TRPM3: variants seen among roughly 807,000 people sequenced by gnomAD.
The protein encoded by TRPM3 is transient receptor potential cation channel subfamily M member 3, also known as long transient receptor potential channel 3.
A neutral mutation model predicts 181.2 loss-of-function variants in TRPM3; 77 were observed. The observed-to-expected ratio is 0.42, with a 90% CI of 0.35 to 0.51. TRPM3 has a LOEUF of 0.51. Among genes scored for constraint, TRPM3 ranks in the 20% least tolerant of loss-of-function variants. The pLI, the probability that TRPM3 is intolerant of heterozygous loss-of-function variation, is 0.01. For missense variants in TRPM3, 1,759 were observed against 2,196.7 expected (o/e 0.80, Z 3.98); for synonymous variants, 745 against 796.4 (o/e 0.94, Z 1.09).
chr9:70,782,845 C>T (rs1308188660), intron 7 of TRPM3, among the ~76,000 whole-genome samples: 4 of 151,890 alleles, frequency 2.6e-5, no homozygotes, highest in African/African-American at 4.8e-5. Context: ...AGGCTCAATG[C>T]CTCTTGTTAT....
intron 1 of TRPM3, among the ~76,000 whole-genome samples, chr9:70,994,366 G>A (rs1020914749): frequency 6.6e-6 from 1 of 152,170 alleles, no homozygotes; most frequent in African/African-American, 2.4e-5. Flanking sequence ...TTACCCAGGT[G>A]TATGTAACTC....
intron 1 of TRPM3, among the ~76,000 whole-genome samples, chr9:71,120,449 T>A (rs969171794): frequency 6.6e-6 from 1 of 152,194 alleles, no homozygotes; most frequent in African/African-American, 2.4e-5. Context: ...CTTTAATGCA[T>A]TTGCTTCTGG....
intron 1 of TRPM3, among the ~76,000 whole-genome samples, chr9:71,148,570 C>A (rs887147127): frequency 4.6e-5 from 7 of 152,144 alleles, no homozygotes; most frequent in Non-Finnish European, 1.0e-4. Flanking sequence ...GCATGAAAGA[C>A]TGACACCTGG....
chr9:70,580,712 A>T (rs889288827), intron 22 of TRPM3, among the ~76,000 whole-genome samples: 1 of 151,288 alleles, frequency 6.6e-6, no homozygotes, highest in African/African-American at 2.4e-5. Flanking sequence ...TGTCTGAAAA[A>T]CTCTTAAAAT....
intron 1 of TRPM3, among the ~76,000 whole-genome samples, chr9:71,103,871 C>A (rs2068893071): frequency 6.6e-6 from 1 of 151,852 alleles, no homozygotes; most frequent in Non-Finnish European, 1.5e-5. Context: ...TCATCAAAAC[C>A]AAGCTCTGTG....
At chr9:71,291,744 A>G (rs1321497977) in intron 1 of TRPM3, among the ~76,000 whole-genome samples, 1 of 152,132 alleles carries the variant, frequency 6.6e-6, no homozygotes, top group East Asian at 1.9e-4. Context: ...GTTCTGATAC[A>G]CTGATAATTG....
At chr9:71,247,187 G>A (rs2082078907) in intron 1 of TRPM3, among the ~76,000 whole-genome samples, 1 of 151,766 alleles carries the variant, frequency 6.6e-6, no homozygotes, top group Admixed American at 6.6e-5. Context: ...AATACTGTCT[G>A]TACTAAAAAT....
intron 1 of TRPM3, among the ~76,000 whole-genome samples, chr9:71,388,534 T>G (rs183856767): frequency 6.6e-6 from 1 of 152,162 alleles, no homozygotes; most frequent in East Asian, 1.9e-4. Context: ...AAAACTTCCT[T>G]AAGAAAAATG....
chr9:71,068,055 A>C (rs1489620816), intron 1 of TRPM3, among the ~76,000 whole-genome samples: 1 of 152,170 alleles, frequency 6.6e-6, no homozygotes, highest in Non-Finnish European at 1.5e-5. Flanking sequence ...TCCAACTTAC[A>C]TGCTCTCTGA....
At chr9:71,430,040 C>G (rs2093932075) in intron 1 of TRPM3, among the ~76,000 whole-genome samples, 1 of 152,156 alleles carries the variant, frequency 6.6e-6, no homozygotes, top group African/African-American at 2.4e-5. Flanking sequence ...CTCTCATTCT[C>G]TATCTCCCTG....
At chr9:71,281,185 A>G (rs1199569445) in intron 1 of TRPM3, among the ~76,000 whole-genome samples, 1 of 152,226 alleles carries the variant, frequency 6.6e-6, no homozygotes, top group East Asian at 1.9e-4. Context: ...CAAAGTGACA[A>G]GGACCAACCC....
chr9:71,048,493 A>C (rs1298327835), intron 1 of TRPM3, among the ~76,000 whole-genome samples: 1 of 152,186 alleles, frequency 6.6e-6, no homozygotes, highest in African/African-American at 2.4e-5. Flanking sequence ...TTCCCCAAGC[A>C]AGCGTGCTGG....
chr9:71,181,197 ACTGT>A (rs2077380801), intron 1 of TRPM3, among the ~76,000 whole-genome samples: 1 of 152,128 alleles, frequency 6.6e-6, no homozygotes, highest in African/African-American at 2.4e-5. Context: ...CGCCATTTGA[ACTGT>A]CTGTCCATGT....
At position 70,632,742 on chromosome 9, in the gene TRPM3, T is replaced by C. The variant is rs115718529; in HGVS notation, c.1632+2469A>G. 2.5e-3 allele frequency among the ~76,000 whole-genome samples: 380 copies of C among 152,248 alleles called. 1 individual carries two copies. The highest frequency in any genetic ancestry group is 8.7e-3 in the African/African-American group (362 of 41,552). On this transcript the variant is annotated intron_variant, in intron 12 of 25. Transcript: ENST00000677713. ...TAAAAGGAAAAAAAAAAGCTGCTTT[T>C]ATTCCTTCTTCCTCCCAAATTCTTA...
At chr9:71,070,694 T>C (rs1164425732) in intron 1 of TRPM3, among the ~76,000 whole-genome samples, 2 of 152,326 alleles carry the variant, frequency 1.3e-5, no homozygotes, top group East Asian at 3.9e-4. Context: ...AAAAGAGATG[T>C]TTAATTTCTG....
chr9:70,572,222 T>C (rs116088735), intron 22 of TRPM3, among the ~76,000 whole-genome samples: 8 of 152,332 alleles, frequency 5.3e-5, no homozygotes, highest in African/African-American at 1.9e-4. Context: ...CTATGCTTTT[T>C]GTCAAAAACA....
chr9:70,911,291 C>T (rs1227556529), intron 1 of TRPM3, among the ~76,000 whole-genome samples: 7 of 152,144 alleles, frequency 4.6e-5, no homozygotes, highest in Non-Finnish European at 8.8e-5. Context: ...GGCCATTCTT[C>T]CTTGGTCTAC....
intron 1 of TRPM3, among the ~76,000 whole-genome samples, chr9:71,265,810 A>G (rs2083355341): frequency 6.6e-6 from 1 of 152,214 alleles, no homozygotes; most frequent in Admixed American, 6.5e-5. Context: ...GACTACTGTC[A>G]TCACCTCACC....
chr9:70,962,687 A>G (rs770474053), intron 1 of TRPM3, among the ~76,000 whole-genome samples: 6 of 152,192 alleles, frequency 3.9e-5, no homozygotes, highest in Non-Finnish European at 7.4e-5. Context: ...TTTATAAATT[A>G]CAAACAGTAA....
Sources: gnomAD v4.1 joint callset for allele counts (sites outside exome capture counted in the v4.1 genomes callset) on GRCh38, gnomAD v4.1.1 for gene constraint, MANE v1.5 for transcripts, NCBI Gene and HGNC (gene_info 2026-07-23, HGNC 2026-07-21) for gene names.